Variants in KLHL1 observed in about 807,000 individuals in gnomAD.
The protein encoded by KLHL1 is kelch like family member 1.
In KLHL1, 47 loss-of-function variants were observed where a neutral mutation model predicts 77.7. That is an observed-to-expected ratio of 0.60 (90% CI 0.48 to 0.77). The LOEUF (loss-of-function observed/expected upper bound fraction) is 0.77, where lower values mean the gene tolerates loss of function less well. KLHL1 is among the 30% of genes least tolerant of loss of function. The pLI is 0.00. For missense variants in KLHL1, 925 were observed against 910.8 expected (o/e 1.02, Z -0.20); for synonymous variants, 360 against 325.2 (o/e 1.11, Z -1.15).
chr13:69,725,901 C>T (rs1873274951), intron 8 of KLHL1, among the ~76,000 whole-genome samples: 1 of 152,008 alleles, frequency 6.6e-6, no homozygotes, highest in Non-Finnish European at 1.5e-5. Context: ...CCCTATGTAG[C>T]ATGGTGCATT....
At chr13:69,856,591 C>G (rs1879929418) in intron 5 of KLHL1, among the ~76,000 whole-genome samples, 1 of 151,998 alleles carries the variant, frequency 6.6e-6, no homozygotes, top group African/African-American at 2.4e-5. Flanking sequence ...GTTCTGAATT[C>G]CAGACATTCC....
chr13:70,105,161 A>G (rs1888019456), intron 1 of KLHL1, among the ~76,000 whole-genome samples: 5 of 152,034 alleles, frequency 3.3e-5, no homozygotes, highest in Admixed American at 2.0e-4. Flanking sequence ...AATAAAGATG[A>G]TTTTGGTTGG....
At chr13:70,103,174 C>A (rs1370280797) in intron 1 of KLHL1, among the ~76,000 whole-genome samples, 1 of 151,982 alleles carries the variant, frequency 6.6e-6, no homozygotes, top group East Asian at 1.9e-4. Context: ...AGGAAGGGAG[C>A]AGTTAAGGAA....
chr13:69,908,275 C>T (rs560413100), intron 4 of KLHL1, among the ~76,000 whole-genome samples: 6 of 150,760 alleles, frequency 4.0e-5, no homozygotes, highest in South Asian at 4.2e-4. Flanking sequence ...AGAGAGTAGC[C>T]GAGGAAAAAC....
chr13:69,902,106 G>A (rs549475116), intron 4 of KLHL1, among the ~76,000 whole-genome samples: 1 of 152,170 alleles, frequency 6.6e-6, no homozygotes, highest in East Asian at 1.9e-4. Context: ...AGCCCACAAT[G>A]AGTTTTTTTA....
At chr13:69,944,978 CT>C (rs750774784) in intron 3 of KLHL1, among the ~76,000 whole-genome samples, 1,595 of 79,892 alleles carry the variant, frequency 0.02, 3 homozygotes, top group African/African-American at 0.047. Context: ...TATAAAACTT[CT>C]TTTTTTTTTT....
At chr13:69,717,805 C>T (rs1424305) in intron 9 of KLHL1, among the ~76,000 whole-genome samples, 133,241 of 152,058 alleles carry the variant, frequency 0.88, 58,720 homozygotes, top group East Asian at 0.99. Context: ...AGTATAAAAG[C>T]ATAAACCTAT....
At chr13:69,806,196 C>A (rs1484659983) in intron 6 of KLHL1, among the ~76,000 whole-genome samples, 1 of 152,100 alleles carries the variant, frequency 6.6e-6, no homozygotes, top group Non-Finnish European at 1.5e-5. Context: ...TCCTGTCTTA[C>A]TCCTTATACC....
intron 7 of KLHL1, among the ~76,000 whole-genome samples, chr13:69,753,691 T>G (rs1874582569): frequency 6.6e-6 from 1 of 152,178 alleles, no homozygotes; most frequent in South Asian, 2.1e-4. Context: ...TCAGTAGGTG[T>G]AATGTTAATG....
At chr13:69,804,229 T>C (rs569424277) in intron 6 of KLHL1, among the ~76,000 whole-genome samples, 1 of 151,980 alleles carries the variant, frequency 6.6e-6, no homozygotes, top group East Asian at 1.9e-4. Flanking sequence ...TGAGAAAAAA[T>C]GGTCAGGATG....
At chr13:70,069,756 G>A (rs1042942840) in intron 1 of KLHL1, among the ~76,000 whole-genome samples, 2 of 152,030 alleles carry the variant, frequency 1.3e-5, no homozygotes, top group African/African-American at 2.4e-5. Context: ...AAGATATGTC[G>A]ATTTAATCTT....
In KLHL1 at chr13:69,964,773, A is replaced by G. The variant is rs76264806; in HGVS notation, c.681-3329T>C. On this transcript the variant is annotated intron_variant, in intron 2 of 10. Transcript: ENST00000377844. ...CTGATTGCTTTATTCATTGTTATCT[A>G]TCTTCTCCTATAAATATTTTGAATT... Among the ~76,000 whole-genome samples, 49 of 152,162 alleles carry G rather than the reference A, an allele frequency of 3.2e-4. No homozygotes were observed. In the East Asian group the frequency reaches 8.9e-3, roughly 28 times the overall value.
At chr13:69,954,903 T>C (rs746753874) in intron 3 of KLHL1, among the ~76,000 whole-genome samples, 40 of 151,042 alleles carry the variant, frequency 2.6e-4, no homozygotes, top group Non-Finnish European at 5.2e-4. Flanking sequence ...ATATAAAAAT[T>C]ATATTATTGA....
At chr13:69,852,625 G>C (rs929131352) in intron 5 of KLHL1, among the ~76,000 whole-genome samples, 3 of 151,986 alleles carry the variant, frequency 2.0e-5, no homozygotes, top group Admixed American at 2.0e-4. Flanking sequence ...CTTTATATTT[G>C]CAGATTTCCA....
At chr13:69,773,055 C>A (rs1875652131) in intron 7 of KLHL1, among the ~76,000 whole-genome samples, 1 of 150,998 alleles carries the variant, frequency 6.6e-6, no homozygotes, top group Admixed American at 6.6e-5. Flanking sequence ...GAAAACAGAA[C>A]AAGCAAAGGA....
intron 10 of KLHL1, among the ~76,000 whole-genome samples, chr13:69,703,765 C>T (rs1875505778): frequency 6.6e-6 from 1 of 151,606 alleles, no homozygotes; most frequent in Non-Finnish European, 1.5e-5. Flanking sequence ...TTGCAATTAC[C>T]TAGAATACTC....
At chr13:69,707,904 T>C in intron 9 of KLHL1, 108 bp from the exon 10 acceptor site, 1 of 832,398 alleles carries the variant, frequency 1.2e-6, no homozygotes, top group Non-Finnish European at 1.8e-6. Flanking sequence ...ACTACCTTTT[T>C]TTTTCTCTAA....
intron 9 of KLHL1, among the ~76,000 whole-genome samples, chr13:69,708,617 CAA>C (rs896790238): frequency 1.3e-5 from 2 of 151,820 alleles, no homozygotes; most frequent in Non-Finnish European, 2.9e-5. Context: ...TAAATTTAAA[CAA>C]AAAATTTATT....
intron 7 of KLHL1, among the ~76,000 whole-genome samples, chr13:69,763,718 G>A (rs1305807373): frequency 6.6e-6 from 1 of 152,214 alleles, no homozygotes; most frequent in Admixed American, 6.5e-5. Context: ...GGAAGCCAAT[G>A]TTCTGAAACT....
Sources: gnomAD v4.1 joint callset for allele counts (sites outside exome capture counted in the v4.1 genomes callset) on GRCh38, gnomAD v4.1.1 for gene constraint, MANE v1.5 for transcripts, NCBI Gene and HGNC (gene_info 2026-07-23, HGNC 2026-07-21) for gene names.